Variants in GRM7 observed in about 807,000 individuals in gnomAD.
GRM7 encodes the protein metabotropic glutamate receptor 7.
A neutral mutation model predicts 84.5 loss-of-function variants in GRM7; 35 were observed. The ratio of observed to expected loss-of-function variants is 0.41; its 90% confidence interval spans 0.32 to 0.55. The LOEUF is 0.55. Ranked by LOEUF, GRM7 falls within the 20% of genes least tolerant of loss-of-function variation. The pLI, the probability that GRM7 is intolerant of heterozygous loss-of-function variation, is 0.19. For missense variants in GRM7, 1,003 were observed against 1,194.6 expected (o/e 0.84, Z 2.36); for synonymous variants, 487 against 455.1 (o/e 1.07, Z -0.89).
chr3:7,442,507 A>C, intron 5 of GRM7, among the ~76,000 whole-genome samples: 1 of 110 alleles, frequency 9.1e-3, no homozygotes, highest in East Asian at 0.25. Flanking sequence ...TTGTAAAAAT[A>C]AACTTTGATA....
chr3:7,463,467 A>G (rs1236893976), intron 7 of GRM7, among the ~76,000 whole-genome samples: 3 of 152,174 alleles, frequency 2.0e-5, no homozygotes, highest in African/African-American at 7.2e-5. Context: ...AATACCTATC[A>G]AGTTAGAAGC....
chr3:7,481,940 G>A (rs773991217), intron 7 of GRM7, among the ~76,000 whole-genome samples: 3 of 152,172 alleles, frequency 2.0e-5, no homozygotes, highest in Non-Finnish European at 4.4e-5. Context: ...GTAATCCCCA[G>A]CACTTTGGGA....
chr3:7,227,289 T>C (rs1348631662), intron 2 of GRM7, among the ~76,000 whole-genome samples: 1 of 152,174 alleles, frequency 6.6e-6, no homozygotes, highest in African/African-American at 2.4e-5. Context: ...ATTTATAAAA[T>C]AAAGGACAAT....
At chr3:7,142,751 T>A (rs1476813557) in intron 1 of GRM7, among the ~76,000 whole-genome samples, 1 of 152,146 alleles carries the variant, frequency 6.6e-6, no homozygotes, top group African/African-American at 2.4e-5. Flanking sequence ...ATTAACCTGT[T>A]TTCTTGTGTT....
Position 7,424,273 on chromosome 3 carries a change from C to G in GRM7, c.1174+9110C>G, listed in dbSNP as rs908719665. Among the ~76,000 whole-genome samples, 14 of 151,716 alleles carry G rather than the reference C, an allele frequency of 9.2e-5. No homozygotes were observed. In the East Asian group the frequency reaches 9.7e-4, roughly 11 times the overall value. ...TCTTTGTTGATAGTGGTGATTGATC[C>G]TACTTTTGGCCTTCGTTTAAAACCA... On this transcript the variant is annotated intron_variant, in intron 5 of 9. Transcript: ENST00000357716.
chr3:7,610,731 C>T (rs933951797), intron 8 of GRM7, among the ~76,000 whole-genome samples: 1 of 152,158 alleles, frequency 6.6e-6, no homozygotes, highest in Non-Finnish European at 1.5e-5. Flanking sequence ...AAATTTTAGG[C>T]TTCCACGGCC....
At chr3:7,037,865 A>G (rs1481484691) in intron 1 of GRM7, among the ~76,000 whole-genome samples, 2 of 152,182 alleles carry the variant, frequency 1.3e-5, no homozygotes, top group African/African-American at 4.8e-5. Context: ...CTCTGAGCAG[A>G]TTTCCAAGTC....
At chr3:6,891,802 C>T (rs1439489800) in intron 1 of GRM7, among the ~76,000 whole-genome samples, 1 of 152,146 alleles carries the variant, frequency 6.6e-6, no homozygotes, top group Middle Eastern at 3.2e-3. Context: ...TGGGGAAGTT[C>T]TCCTTTATAA....
intron 9 of GRM7, among the ~76,000 whole-genome samples, chr3:7,740,141 G>A (rs1438695085): frequency 6.6e-6 from 1 of 152,196 alleles, no homozygotes; most frequent in South Asian, 2.1e-4. Context: ...AGACATCTCA[G>A]AGAAGAGAAC....
chr3:7,429,728 A>G (rs953087487), intron 5 of GRM7, among the ~76,000 whole-genome samples: 1 of 152,168 alleles, frequency 6.6e-6, no homozygotes, highest in Non-Finnish European at 1.5e-5. Flanking sequence ...GAACCAAAGT[A>G]TTTTACTCTA....
chr3:7,395,845 A>G (rs1695191292), intron 4 of GRM7, among the ~76,000 whole-genome samples: 1 of 152,154 alleles, frequency 6.6e-6, no homozygotes, highest in Admixed American at 6.6e-5. Context: ...TACATATACC[A>G]TTGTAGGAAG....
At chr3:7,121,221 G>A (rs1693205951) in intron 1 of GRM7, among the ~76,000 whole-genome samples, 1 of 152,100 alleles carries the variant, frequency 6.6e-6, no homozygotes, top group Admixed American at 6.6e-5. Context: ...AAAAAGAAGT[G>A]ACTAATTGAC....
At chr3:7,037,319 T>C (rs1454789284) in intron 1 of GRM7, among the ~76,000 whole-genome samples, 2 of 152,192 alleles carry the variant, frequency 1.3e-5, no homozygotes, top group Non-Finnish European at 2.9e-5. Flanking sequence ...CTTAATACAT[T>C]ACAAAGTTAG....
chr3:7,288,333 C>T (rs1377135525), intron 2 of GRM7, among the ~76,000 whole-genome samples: 1 of 152,182 alleles, frequency 6.6e-6, no homozygotes, highest in South Asian at 2.1e-4. Flanking sequence ...GAGTTACAAG[C>T]TTTCCGTTTA....
At chr3:6,960,484 A>G (rs1433219589) in intron 1 of GRM7, among the ~76,000 whole-genome samples, 1 of 152,162 alleles carries the variant, frequency 6.6e-6, no homozygotes, top group Non-Finnish European at 1.5e-5. Context: ...TAATCCCATC[A>G]TGCCTTTATT....
At chr3:7,675,068 T>G (rs114301014) in intron 8 of GRM7, among the ~76,000 whole-genome samples, 1 of 152,344 alleles carries the variant, frequency 6.6e-6, no homozygotes, top group Non-Finnish European at 1.5e-5. Context: ...AATTTTTATA[T>G]AGATAAAAGT....
intron 1 of GRM7, among the ~76,000 whole-genome samples, chr3:7,093,145 T>C (rs1303497893): frequency 2.0e-5 from 3 of 152,162 alleles, no homozygotes; most frequent in Admixed American, 1.3e-4. Context: ...TTAGGAAAGA[T>C]GCAGAGACCT....
intron 2 of GRM7, among the ~76,000 whole-genome samples, chr3:7,208,307 C>G (rs532740222): frequency 6.6e-6 from 1 of 152,038 alleles, no homozygotes; most frequent in East Asian, 1.9e-4. Context: ...TTAGCAATGA[C>G]TGGCCATAAG....
At chr3:7,429,758 A>G (rs1039084180) in intron 5 of GRM7, among the ~76,000 whole-genome samples, 1 of 152,228 alleles carries the variant, frequency 6.6e-6, no homozygotes, top group East Asian at 1.9e-4. Context: ...ATAATAAACA[A>G]TTATACATAG....
Sources: allele counts gnomAD v4.1 joint callset (sites outside exome capture counted in the v4.1 genomes callset), GRCh38; gene constraint gnomAD v4.1.1; transcripts MANE v1.5; gene names NCBI Gene and HGNC (gene_info 2026-07-23, HGNC 2026-07-21).